The following DMD variants were observed in gnomAD, a reference collection of about 807,000 sequenced individuals.
The protein encoded by DMD is dystrophin.
In DMD, 63 loss-of-function variants were observed where a neutral mutation model predicts 330.1. The ratio of observed to expected loss-of-function variants is 0.19; its 90% CI spans 0.16 to 0.24. The LOEUF is 0.24. DMD is among the 10% of genes least tolerant of loss of function. DMD has a pLI of 1.00. For synonymous variants in DMD, 1,223 were observed against 959.8 expected, an observed-to-expected ratio of 1.27 and a Z score of -5.07; for missense variants, 3,344 against 2,684.1, an observed-to-expected ratio of 1.25 and a Z score of -5.43.
chrX:32,334,775 T>G (rs1321725019), intron 41 of DMD, among the ~76,000 whole-genome samples: 1 of 112,035 alleles, frequency 8.9e-6, no homozygotes, highest in Non-Finnish European at 1.9e-5. Flanking sequence ...GATGTGAAAG[T>G]CTATAGAATC....
intron 1 of DMD, among the ~76,000 whole-genome samples, chrX:33,151,350 G>C (rs1180027498): frequency 8.9e-6 from 1 of 112,256 alleles, no homozygotes; most frequent in East Asian, 2.8e-4. Context: ...TTTAGCTGCT[G>C]ACTTTTCACT....
rs780730216 is a variant in DMD at position 31,755,064 on chromosome X, T to A, written c.7542+18896A>T. Among the ~76,000 whole-genome samples, 5 of 111,775 alleles carry A rather than the reference T, an allele frequency of 4.5e-5. No individual in the cohort carries two copies. In the South Asian group the frequency reaches 1.8e-3, roughly 41 times the overall value. On this transcript the variant is annotated intron_variant, in intron 51 of 78. Coordinates refer to ENST00000357033, the MANE Select transcript of DMD (RefSeq NM_004006.3). The stretch of plus-strand genomic sequence containing the variant: ...GAACTCAGTTACTTAAGTCAGGAAT[T>A]CACGTGGGGATAGAGTTAGAATTTA...
At chrX:31,572,389 T>A (rs140357433) in intron 55 of DMD, among the ~76,000 whole-genome samples, 1 of 111,889 alleles carries the variant, frequency 8.9e-6, no homozygotes, top group Non-Finnish European at 1.9e-5. Flanking sequence ...TAGACCTGTA[T>A]CTCTAAAAGA....
chrX:33,259,121 G>A (rs2052907655), intron 1 of DMD, among the ~76,000 whole-genome samples: 1 of 111,039 alleles, frequency 9.0e-6, no homozygotes, highest in Admixed American at 9.6e-5. Flanking sequence ...AAAAAATTGT[G>A]CTAAAAACAT....
chrX:33,161,220 AT>A (rs1384245442), intron 1 of DMD, among the ~76,000 whole-genome samples: 9 of 111,578 alleles, frequency 8.1e-5, no homozygotes, highest in African/African-American at 2.9e-4. Flanking sequence ...CATTTATATC[AT>A]TTATTGAGCA....
At chrX:32,197,600 C>A (rs1188938425) in intron 44 of DMD, among the ~76,000 whole-genome samples, 2 of 111,496 alleles carry the variant, frequency 1.8e-5, no homozygotes, top group African/African-American at 6.5e-5. Flanking sequence ...CTGTTAACAT[C>A]AAAAATTTAT....
intron 44 of DMD, among the ~76,000 whole-genome samples, chrX:32,215,078 A>G (rs976588592): frequency 1.3e-4 from 15 of 111,650 alleles, no homozygotes; most frequent in African/African-American, 4.9e-4. Flanking sequence ...CTTCTAAGAG[A>G]TGAAAATGTC....
chrX:32,315,327 G>A (rs1452600029), intron 41 of DMD, among the ~76,000 whole-genome samples: 1 of 110,598 alleles, frequency 9.0e-6, no homozygotes, highest in East Asian at 2.9e-4. Context: ...GATAATGGGA[G>A]TTGAACAATG....
In DMD at chrX:32,002,159, C is replaced by A. The variant is rs1314695662; in HGVS notation, c.6439-33645G>T. Among the ~76,000 whole-genome samples the A allele has an allele frequency of 2.7e-5, 3 of 111,401 alleles. No individual in the cohort carries two copies. In the East Asian group the frequency reaches 8.5e-4, roughly 31 times the overall value. ...CTTTCACAAATTCCAGTCGCTGTTGCCTCTATGGTGTCTTTTAATTCAATG... is the reference window on the plus strand; with the variant it reads ...CTTTCACAAATTCCAGTCGCTGTTGACTCTATGGTGTCTTTTAATTCAATG... On this transcript the variant is annotated intron_variant, in intron 44 of 78. Coordinates refer to ENST00000357033, the MANE Select transcript of DMD (RefSeq NM_004006.3).
chrX:32,654,278 G>C (rs1325222138), intron 9 of DMD, among the ~76,000 whole-genome samples: 1 of 111,709 alleles, frequency 9.0e-6, no homozygotes, highest in African/African-American at 3.3e-5. Flanking sequence ...TATGATAGTG[G>C]CTGTGGGTTT....
At chrX:31,513,240 G>A (rs2071829577) in intron 55 of DMD, among the ~76,000 whole-genome samples, 2 of 95,879 alleles carry the variant, frequency 2.1e-5, no homozygotes, top group Admixed American at 2.4e-4. Flanking sequence ...TTTGGGCTGA[G>A]ACGATGGGGT....
intron 63 of DMD, among the ~76,000 whole-genome samples, chrX:31,256,969 C>T (rs2050025272): frequency 9.1e-6 from 1 of 110,163 alleles, no homozygotes; most frequent in East Asian, 2.9e-4. Flanking sequence ...TATTAGAGAG[C>T]TCCAATGGTA....
chrX:31,824,152 T>A (rs1219869601), intron 49 of DMD, among the ~76,000 whole-genome samples: 2 of 112,240 alleles, frequency 1.8e-5, no homozygotes, highest in African/African-American at 6.5e-5. Flanking sequence ...ATTCTTAAGG[T>A]CATAAGGAAG....
intron 41 of DMD, among the ~76,000 whole-genome samples, chrX:32,332,849 T>A (rs541507101): frequency 1.8e-5 from 2 of 110,853 alleles, no homozygotes; most frequent in Admixed American, 1.9e-4. Flanking sequence ...TTTTTTTTTT[T>A]CTCTGAAAAT....
At chrX:32,210,977 T>C (rs1167251545) in intron 44 of DMD, among the ~76,000 whole-genome samples, 1 of 112,027 alleles carries the variant, frequency 8.9e-6, no homozygotes, top group Non-Finnish European at 1.9e-5. Flanking sequence ...ATTGGGTCCT[T>C]TAAAAAGTGC....
At chrX:33,064,305 A>G (rs981928278) in intron 1 of DMD, among the ~76,000 whole-genome samples, 1 of 110,992 alleles carries the variant, frequency 9.0e-6, no homozygotes, top group Non-Finnish European at 1.9e-5. Flanking sequence ...AGAAATAAAC[A>G]TTTTCTATTA....
intron 37 of DMD, among the ~76,000 whole-genome samples, chrX:32,357,487 T>A (rs2097806917): frequency 9.0e-6 from 1 of 111,147 alleles, no homozygotes; most frequent in African/African-American, 3.3e-5. Flanking sequence ...ATACAAAAGA[T>A]TTACTGATCT....
intron 2 of DMD, among the ~76,000 whole-genome samples, chrX:32,894,862 C>A (rs994301791): frequency 1.8e-5 from 2 of 112,152 alleles, no homozygotes; most frequent in Non-Finnish European, 3.8e-5. Context: ...AGATGTCAAC[C>A]GCAGGGACAA....
At chrX:32,601,721 G>C (rs808526) in intron 12 of DMD, among the ~76,000 whole-genome samples, 23,497 of 110,374 alleles carry the variant, frequency 0.21, 1,967 homozygotes, top group East Asian at 0.44. Context: ...CCAATCACGT[G>C]ACTTTGAGAA....
Sources: allele counts gnomAD v4.1 joint callset (sites outside exome capture counted in the v4.1 genomes callset), GRCh38; gene constraint gnomAD v4.1.1; transcripts MANE v1.5; gene names NCBI Gene and HGNC (gene_info 2026-07-23, HGNC 2026-07-21).